Variants in GNAL observed in about 807,000 individuals in gnomAD.
GNAL encodes G protein subunit alpha L.
Under a neutral mutation model 55.1 loss-of-function variants are expected in GNAL, and 18 were observed. The observed-to-expected ratio is 0.33, with a 90% CI of 0.23 to 0.48. The LOEUF (loss-of-function observed/expected upper bound fraction) is 0.48, where lower values mean the gene tolerates loss of function less well. GNAL is among the 20% of genes least tolerant of loss of function. The pLI is 0.99. For synonymous variants in GNAL, 253 were observed against 237.0 expected, an observed-to-expected ratio of 1.07 and a Z score of -0.62; for missense variants, 412 against 614.1, an observed-to-expected ratio of 0.67 and a Z score of 3.48.
chr18:11,769,852 C>T (rs964434121), intron 4 of GNAL, among the ~76,000 whole-genome samples: 1 of 152,168 alleles, frequency 6.6e-6, no homozygotes, highest in Non-Finnish European at 1.5e-5. Flanking sequence ...CACACACATG[C>T]ACACACACTG....
intron 4 of GNAL, among the ~76,000 whole-genome samples, chr18:11,801,853 C>T (rs560395490): frequency 4.6e-5 from 7 of 152,130 alleles, no homozygotes; most frequent in Admixed American, 1.3e-4. Flanking sequence ...GAGCAGGTCC[C>T]GGGGGTCAGG....
At chr18:11,800,573 G>C (rs558364444) in intron 4 of GNAL, among the ~76,000 whole-genome samples, 1 of 152,316 alleles carries the variant, frequency 6.6e-6, no homozygotes, top group African/African-American at 2.4e-5. Context: ...CGGAATGAAA[G>C]AGGCCACTGC....
chr18:11,831,965 A>T (rs1240740229), intron 5 of GNAL, among the ~76,000 whole-genome samples: 1 of 152,224 alleles, frequency 6.6e-6, no homozygotes, highest in East Asian at 1.9e-4. Flanking sequence ...TGTAAAAGTG[A>T]GTGTCCTTGA....
At chr18:11,816,008 C>T (rs2034945451) in intron 4 of GNAL, among the ~76,000 whole-genome samples, 1 of 152,036 alleles carries the variant, frequency 6.6e-6, no homozygotes, top group Admixed American at 6.6e-5. Context: ...TACTAGAACC[C>T]CTAAACATTG....
intron 4 of GNAL, among the ~76,000 whole-genome samples, chr18:11,806,987 C>T (rs2034680255): frequency 3.3e-5 from 5 of 151,964 alleles, no homozygotes; most frequent in Admixed American, 6.5e-5. Flanking sequence ...GGTGAAACCC[C>T]GTCTCTACTA....
chr18:11,828,001 T>G (rs2035292158), intron 5 of GNAL, among the ~76,000 whole-genome samples: 1 of 151,594 alleles, frequency 6.6e-6, no homozygotes, highest in Non-Finnish European at 1.5e-5. Flanking sequence ...AAGATTTTCC[T>G]TAAATAATGT....
chr18:11,867,313 C>A, intron 8 of GNAL, 87 bp downstream of exon 8: 5 of 813,922 alleles, frequency 6.1e-6, no homozygotes, highest in African/African-American at 1.7e-5. Flanking sequence ...ATTAGATAAT[C>A]TCTAACTAAT....
chr18:11,745,110 TTCTA>T (rs1210967209), intron 1 of GNAL, among the ~76,000 whole-genome samples: 20 of 152,200 alleles, frequency 1.3e-4, no homozygotes, highest in African/African-American at 2.4e-4. Flanking sequence ...TTATTACATT[TTCTA>T]TCTATTGTTT....
At chr18:11,692,277 A>G (rs563424757) in intron 1 of GNAL, among the ~76,000 whole-genome samples, 23 of 152,370 alleles carry the variant, frequency 1.5e-4, no homozygotes, top group African/African-American at 5.0e-4. Flanking sequence ...GCAAGAATGA[A>G]TAATTTAAAA....
intron 5 of GNAL, among the ~76,000 whole-genome samples, chr18:11,837,138 A>T (rs1469758714): frequency 6.6e-6 from 1 of 151,948 alleles, no homozygotes; most frequent in Non-Finnish European, 1.5e-5. Context: ...ATTTTTAGAC[A>T]TGCCACCACG....
chr18:11,759,435 A>G (rs1286512682), intron 4 of GNAL, among the ~76,000 whole-genome samples: 5 of 152,264 alleles, frequency 3.3e-5, no homozygotes, highest in Non-Finnish European at 7.3e-5. Flanking sequence ...GTACTTTGCC[A>G]TTACCACCTG....
At chr18:11,870,366 C>T (rs930465001) in intron 9 of GNAL, among the ~76,000 whole-genome samples, 4 of 151,918 alleles carry the variant, frequency 2.6e-5, no homozygotes, top group African/African-American at 9.7e-5. Context: ...ACTAAAACTA[C>T]AAAAATTAGC....
chr18:11,746,727 C>T, intron 1 of GNAL: 1 of 283,452 alleles, frequency 3.5e-6, no homozygotes, highest in South Asian at 3.7e-5. Flanking sequence ...TTGCTGCCAC[C>T]CAGGTGAAGC....
At chr18:11,716,285 T>G (rs1567996028) in intron 1 of GNAL, among the ~76,000 whole-genome samples, 1 of 152,210 alleles carries the variant, frequency 6.6e-6, no homozygotes, top group Non-Finnish European at 1.5e-5. Context: ...GTCCAGAGTT[T>G]GTTCCTTCTG....
intron 2 of GNAL, 86 bp from the exon 3 acceptor site, chr18:11,753,542 G>A: frequency 1.1e-6 from 1 of 870,898 alleles, no homozygotes; most frequent in Non-Finnish European, 1.9e-6. Context: ...GGTCAGTGCT[G>A]TAGCTGGAAA....
chr18:11,874,119 G>A (rs1250130922), intron 10 of GNAL: 1 of 152,384 alleles, frequency 6.6e-6, no homozygotes, highest in Non-Finnish European at 1.5e-5. Flanking sequence ...GGTGCTGAAG[G>A]GCTTCCGTCC....
chr18:11,787,853 G>A (rs1041643173), intron 4 of GNAL, among the ~76,000 whole-genome samples: 6 of 146,820 alleles, frequency 4.1e-5, no homozygotes, highest in Admixed American at 2.0e-4. Flanking sequence ...CAGCCTGGGA[G>A]ACAGAGCCAG....
intron 1 of GNAL, among the ~76,000 whole-genome samples, chr18:11,724,240 G>T (rs756801668): frequency 1.3e-5 from 2 of 152,120 alleles, no homozygotes; most frequent in East Asian, 3.8e-4. Flanking sequence ...TCAGCCTCTG[G>T]GGGGGACCTC....
In GNAL at chr18:11,822,421, A is replaced by G. The variant is rs2035122610; in HGVS notation, c.625-2497A>G. ...AGAGTTGGAGACCAGCTTGGGCAAC[A>G]TGGTAAAACCCCGTCTCTAGGAAAA... is the stretch of plus-strand genomic sequence containing the variant. On this transcript the variant is annotated intron_variant, in intron 4 of 11. Coordinates refer to ENST00000334049, the MANE Select transcript of GNAL (RefSeq NM_182978.4). 3.3e-5 allele frequency among the ~76,000 whole-genome samples: 5 copies of G among 152,314 alleles called. No homozygotes were observed. In the South Asian group the frequency reaches 1.0e-3, roughly 32 times the overall value.
Sources: gnomAD v4.1 joint callset for allele counts (sites outside exome capture counted in the v4.1 genomes callset) on GRCh38, gnomAD v4.1.1 for gene constraint, MANE v1.5 for transcripts, NCBI Gene and HGNC (gene_info 2026-07-23, HGNC 2026-07-21) for gene names.